KCNIP4: variants seen among roughly 807,000 people sequenced by gnomAD.
KCNIP4 encodes the protein potassium voltage-gated channel interacting protein 4.
A neutral mutation model predicts 34.0 loss-of-function variants in KCNIP4; 12 were observed. The ratio of observed to expected loss-of-function variants is 0.35; its 90% CI spans 0.23 to 0.57. The LOEUF (loss-of-function observed/expected upper bound fraction) is 0.57. Ranked by LOEUF, KCNIP4 falls within the 20% of genes least tolerant of loss-of-function variation. The pLI, the probability that KCNIP4 is intolerant of heterozygous loss-of-function variation, is 0.83. For missense variants in KCNIP4, 238 were observed against 311.7 expected, an observed-to-expected ratio of 0.76 and a Z score of 1.78; for synonymous variants, 124 against 102.2, an observed-to-expected ratio of 1.21 and a Z score of -1.29.
intron 1 of KCNIP4, among the ~76,000 whole-genome samples, chr4:21,325,263 A>G (rs550461861): frequency 6.6e-6 from 1 of 151,566 alleles, no homozygotes; most frequent in East Asian, 1.9e-4. Context: ...TTTTTATTAC[A>G]TCTTTGATCT....
chr4:21,403,875 C>G (rs1234169287), intron 1 of KCNIP4, among the ~76,000 whole-genome samples: 1 of 152,158 alleles, frequency 6.6e-6, no homozygotes, highest in East Asian at 1.9e-4. Context: ...GTGCTCTGTT[C>G]TGCTTCTTTT....
At chr4:20,897,330 C>T (rs538574792) in intron 1 of KCNIP4, among the ~76,000 whole-genome samples, 1 of 151,990 alleles carries the variant, frequency 6.6e-6, no homozygotes, top group African/African-American at 2.4e-5. Context: ...TGTCTCCTCT[C>T]AAAAATCTTC....
intron 1 of KCNIP4, among the ~76,000 whole-genome samples, chr4:21,472,737 A>G (rs966568495): frequency 3.3e-5 from 5 of 151,626 alleles, no homozygotes; most frequent in African/African-American, 1.2e-4. Context: ...GCAGTCAGCT[A>G]GATCTGTATT....
At chr4:21,401,133 CA>C (rs1723525109) in intron 1 of KCNIP4, among the ~76,000 whole-genome samples, 3 of 151,836 alleles carry the variant, frequency 2.0e-5, no homozygotes, top group South Asian at 4.2e-4. Flanking sequence ...TGCACTCAGC[CA>C]AAAAAGAAAT....
chr4:20,728,677 A>G lies in KCNIP4; in HGVS notation c.*1405T>C, dbSNP rs1351222139. The G allele has an allele frequency of 6.6e-6, 1 of 151,928 alleles. No individual in the cohort carries two copies. The highest frequency in any genetic ancestry group is 2.0e-4 in the East Asian group (1 of 4,994). 9.4% of individuals were successfully genotyped at this position (151,928 alleles called of 1,614,324 possible). A position where few individuals can be genotyped will look rare whatever the true frequency, so the allele number is the denominator to read the frequency against. ...TACAAAATGTGCACATTGAGTTTAC[A>G]CAAACACGTGATGGCAAATTTCAGT... On this transcript the variant is annotated 3_prime_UTR_variant, in exon 9 of 9. Coordinates refer to ENST00000382152, the MANE Select transcript of KCNIP4 (RefSeq NM_025221.6).
chr4:21,278,561 A>G (rs1762583229), intron 1 of KCNIP4, among the ~76,000 whole-genome samples: 1 of 152,160 alleles, frequency 6.6e-6, no homozygotes, highest in South Asian at 2.1e-4. Context: ...TCCATGATGT[A>G]TATGTAAAAT....
intron 1 of KCNIP4, among the ~76,000 whole-genome samples, chr4:21,238,564 C>T (rs1759551258): frequency 6.6e-6 from 1 of 152,168 alleles, no homozygotes; most frequent in Non-Finnish European, 1.5e-5. Flanking sequence ...GCAAAAATCA[C>T]AAGCATTCTT....
chr4:21,474,010 G>T (rs561384659), intron 1 of KCNIP4, among the ~76,000 whole-genome samples: 2 of 152,070 alleles, frequency 1.3e-5, no homozygotes, highest in South Asian at 2.1e-4. Context: ...CACCACTCCC[G>T]GCCCAGGCAA....
intron 1 of KCNIP4, among the ~76,000 whole-genome samples, chr4:21,733,653 C>A (rs1215152944): frequency 1.3e-5 from 2 of 152,078 alleles, no homozygotes; most frequent in Non-Finnish European, 2.9e-5. Context: ...TGTTCATGTC[C>A]TTAAGTACCC....
intron 1 of KCNIP4, among the ~76,000 whole-genome samples, chr4:21,556,154 G>C (rs750724000): frequency 7.2e-5 from 11 of 152,140 alleles, no homozygotes; most frequent in Non-Finnish European, 1.2e-4. Flanking sequence ...AATGGATTTT[G>C]AGAATACTAT....
chr4:21,475,829 A>T (rs928326307), intron 1 of KCNIP4, among the ~76,000 whole-genome samples: 1 of 152,184 alleles, frequency 6.6e-6, no homozygotes, highest in Non-Finnish European at 1.5e-5. Flanking sequence ...CCCATTCTGG[A>T]TGATGCAAAA....
At chr4:21,189,742 A>G (rs1755493296) in intron 1 of KCNIP4, among the ~76,000 whole-genome samples, 1 of 152,362 alleles carries the variant, frequency 6.6e-6, no homozygotes, top group Middle Eastern at 3.4e-3. Context: ...ATGACCATAG[A>G]AATTACATTT....
intron 1 of KCNIP4, among the ~76,000 whole-genome samples, chr4:21,234,595 T>G (rs1056500503): frequency 5.8e-5 from 8 of 138,834 alleles, no homozygotes; most frequent in Non-Finnish European, 7.5e-5. Context: ...ACGTATATAA[T>G]ATATATTACA....
intron 1 of KCNIP4, among the ~76,000 whole-genome samples, chr4:21,677,504 G>A (rs1310893730): frequency 1.3e-5 from 2 of 151,972 alleles, no homozygotes; most frequent in African/African-American, 4.8e-5. Context: ...TACCATCACT[G>A]CCAGTTCCCT....
intron 1 of KCNIP4, among the ~76,000 whole-genome samples, chr4:21,891,177 G>T (rs1727070588): frequency 6.6e-6 from 1 of 151,964 alleles, no homozygotes; most frequent in Non-Finnish European, 1.5e-5. Context: ...ATGAATACCT[G>T]GGTTGACCAC....
At chr4:20,962,347 C>T (rs1317954861) in intron 1 of KCNIP4, among the ~76,000 whole-genome samples, 3 of 152,220 alleles carry the variant, frequency 2.0e-5, no homozygotes, top group Non-Finnish European at 2.9e-5. Context: ...TAATTGTGGA[C>T]CTAACCTGCA....
In KCNIP4 at chr4:20,885,267, G is replaced by C. The variant is rs527879242; in HGVS notation, c.62-2558C>G. Among the ~76,000 whole-genome samples the C allele has an allele frequency of 3.3e-5, 5 of 151,294 alleles. No homozygotes were observed. The South Asian group carries it at 1.0e-3, about 32-fold the overall frequency. Reference sequence around the variant, plus strand: ...GTGTAGCCATAAGCTATTACCAGCCGTTATTCTCGAGGTCATGAGATTCAT... The same window carrying C: ...GTGTAGCCATAAGCTATTACCAGCCCTTATTCTCGAGGTCATGAGATTCAT... On this transcript the variant is annotated intron_variant, in intron 1 of 8. Transcript: ENST00000382152.
At chr4:21,666,148 C>T (rs1427292011) in intron 1 of KCNIP4, among the ~76,000 whole-genome samples, 1 of 152,148 alleles carries the variant, frequency 6.6e-6, no homozygotes, top group Admixed American at 6.6e-5. Flanking sequence ...AAAGAGAATG[C>T]ATAAAAATCA....
intron 1 of KCNIP4, among the ~76,000 whole-genome samples, chr4:20,975,757 G>A (rs544350501): frequency 2.0e-5 from 3 of 152,254 alleles, no homozygotes; most frequent in South Asian, 4.2e-4. Flanking sequence ...ACAAGGGCTG[G>A]CAAAATACAG....
Sources: allele counts gnomAD v4.1 joint callset (sites outside exome capture counted in the v4.1 genomes callset), GRCh38; gene constraint gnomAD v4.1.1; transcripts MANE v1.5; gene names NCBI Gene and HGNC (gene_info 2026-07-23, HGNC 2026-07-21).